The following PITPNM2 variants were observed in gnomAD, a reference collection of about 807,000 sequenced individuals.
The protein encoded by PITPNM2 is membrane-associated phosphatidylinositol transfer protein 2.
In PITPNM2, 35 loss-of-function variants were observed where a neutral mutation model predicts 132.2. The ratio of observed to expected loss-of-function variants is 0.26; its 90% CI spans 0.20 to 0.35. The LOEUF (loss-of-function observed/expected upper bound fraction) is 0.35. Among genes scored for constraint, PITPNM2 ranks in the 10% least tolerant of loss-of-function variants. PITPNM2 has a pLI of 1.00. For synonymous variants in PITPNM2, 738 were observed against 799.2 expected (o/e 0.92, Z 1.29); for missense variants, 1,332 against 1,912.0 (o/e 0.70, Z 5.66).
chr12:123,062,166 G>A (rs1460466632), intron 2 of PITPNM2, among the ~76,000 whole-genome samples: 1 of 152,070 alleles, frequency 6.6e-6, no homozygotes, highest in Non-Finnish European at 1.5e-5. Flanking sequence ...AGGTTCCTGA[G>A]TCCCCAGACT....
chr12:123,094,325 G>C (rs921098030), intron 2 of PITPNM2, among the ~76,000 whole-genome samples: 5 of 152,238 alleles, frequency 3.3e-5, no homozygotes, highest in African/African-American at 9.6e-5. Context: ...GCCAGTCCAA[G>C]GCTCTCAGAG....
chr12:123,004,324 TA>T lies in PITPNM2; in HGVS notation c.1048+69del. 6.9e-7 allele frequency: 1 copy of T among 1,453,308 alleles called. No homozygotes were observed. Among genetic ancestry groups the T allele is most frequent in the Non-Finnish European group, 9.6e-7 (1 of 1,039,050 alleles). 90.0% of individuals were successfully genotyped at this position (1,453,308 alleles called of 1,614,324 possible). ...CCCGCATCAGTCCACACCCACACCC[TA>T]AGCCCTTTCAGACCCCTCCCCACCT... On this transcript the variant is annotated intron_variant, in intron 8 of 25. Coordinates refer to ENST00000320201, the MANE Select transcript of PITPNM2 (RefSeq NM_020845.3). The surrounding 1 kb of genome is among the most constrained non-coding windows in gnomAD (Gnocchi z 4.9).
chr12:123,056,331 GA>G (rs2041025479), intron 2 of PITPNM2, among the ~76,000 whole-genome samples: 1 of 152,216 alleles, frequency 6.6e-6, no homozygotes, highest in Non-Finnish European at 1.5e-5. Context: ...GGCAGTCTGG[GA>G]GCCTACATGG....
chr12:123,069,108 C>T (rs1829956093), intron 2 of PITPNM2, among the ~76,000 whole-genome samples: 1 of 151,904 alleles, frequency 6.6e-6, no homozygotes, highest in South Asian at 2.1e-4. Context: ...TAAAAATTAG[C>T]CAGAAGTGGT....
At chr12:123,121,630 T>C (rs1195690984) in intron 1 of PITPNM2, among the ~76,000 whole-genome samples, 1 of 152,084 alleles carries the variant, frequency 6.6e-6, no homozygotes, top group Non-Finnish European at 1.5e-5. Flanking sequence ...CATTGCAACC[T>C]TGAATTCCTG....
intron 2 of PITPNM2, among the ~76,000 whole-genome samples, chr12:123,104,330 C>T (rs2042638925): frequency 6.6e-6 from 1 of 152,238 alleles, no homozygotes; most frequent in African/African-American, 2.4e-5. Flanking sequence ...GCCAAGCCAT[C>T]GCATCCCCTG....
intron 1 of PITPNM2, among the ~76,000 whole-genome samples, chr12:123,113,106 G>T (rs1453088083): frequency 6.6e-6 from 1 of 152,174 alleles, no homozygotes; most frequent in African/African-American, 2.4e-5. Context: ...GTTTGATGGG[G>T]TGCCAGCTAC....
chr12:123,087,155 T>C (rs2042134336), intron 2 of PITPNM2: 1 of 152,376 alleles, frequency 6.6e-6, no homozygotes, highest in South Asian at 2.1e-4. Flanking sequence ...TGCACACTTA[T>C]GGGAGACTCT....
chr12:123,095,948 G>A lies in PITPNM2; in HGVS notation c.-96+14437C>T, dbSNP rs1395891012. ...TGGCACTATCGTAAGGATCATCACC[G>A]CCCATGACTGATGCCTGTGATGGCC... On this transcript the variant is annotated intron_variant, in intron 2 of 25. Coordinates refer to ENST00000320201, the MANE Select transcript of PITPNM2 (RefSeq NM_020845.3). The surrounding 1 kb of genome is among the most constrained non-coding windows in gnomAD (Gnocchi z 5.0). Among the ~76,000 whole-genome samples, 4 of 152,216 alleles carry A rather than the reference G, an allele frequency of 2.6e-5. No homozygotes were observed. The highest frequency in any genetic ancestry group is 3.8e-4 in the East Asian group (2 of 5,196).
chr12:123,008,846 C>T lies in PITPNM2; in HGVS notation c.643+1004G>A, dbSNP rs954134873. Among the ~76,000 whole-genome samples the T allele has an allele frequency of 1.3e-5, 2 of 152,184 alleles. No homozygotes were observed. The highest frequency in any genetic ancestry group is 4.8e-5 in the African/African-American group (2 of 41,434). On this transcript the variant is annotated intron_variant, in intron 6 of 25. Transcript: ENST00000320201. The surrounding 1 kb of genome is among the most constrained non-coding windows in gnomAD (Gnocchi z 4.1). ...CAAGTGGAAGACCGCGTCCTTGGAC[C>T]CCAATCCTTTCGGGTACACATCCAC...
At position 123,008,655 on chromosome 12, in the gene PITPNM2, G is replaced by T. The variant is rs1446188060; in HGVS notation, c.643+1195C>A. Among the ~76,000 whole-genome samples the T allele has an allele frequency of 1.3e-5, 2 of 152,200 alleles. No homozygotes were observed. Among genetic ancestry groups the T allele is most frequent in the Non-Finnish European group, 2.9e-5 (2 of 68,036 alleles). On this transcript the variant is annotated intron_variant, in intron 6 of 25. Coordinates refer to ENST00000320201, the MANE Select transcript of PITPNM2 (RefSeq NM_020845.3). The surrounding 1 kb of genome is among the most constrained non-coding windows in gnomAD (Gnocchi z 4.1). The stretch of plus-strand genomic sequence containing the variant: ...TGGGAATGCATCCCTCTCAATGGAT[G>T]GGACAGCTTCCTTCTCTTCCTGCCA...
chr12:123,072,922 C>T (rs921349571), intron 2 of PITPNM2, among the ~76,000 whole-genome samples: 2 of 152,218 alleles, frequency 1.3e-5, no homozygotes, highest in African/African-American at 4.8e-5. Flanking sequence ...GAATCCGGAG[C>T]CCCAACAGGG....
chr12:123,047,485 T>G (rs745784252), intron 2 of PITPNM2, among the ~76,000 whole-genome samples: 58 of 152,312 alleles, frequency 3.8e-4, no homozygotes, highest in Non-Finnish European at 7.5e-4. Context: ...GTCCCCTAGG[T>G]GGCTTAGATC....
At chr12:123,041,156 G>C (rs2040458281) in intron 2 of PITPNM2, among the ~76,000 whole-genome samples, 1 of 152,166 alleles carries the variant, frequency 6.6e-6, no homozygotes, top group Non-Finnish European at 1.5e-5. Context: ...TTGTCTTCTG[G>C]GGGTAAGAAC....
At chr12:123,132,918 T>C (rs930722262) in intron 1 of PITPNM2, among the ~76,000 whole-genome samples, 2 of 152,220 alleles carry the variant, frequency 1.3e-5, no homozygotes, top group Non-Finnish European at 2.9e-5. Context: ...GTATGGCATA[T>C]GAACAGACCA....
At chr12:123,013,355 T>C (rs1014289076) in intron 4 of PITPNM2, among the ~76,000 whole-genome samples, 2 of 152,224 alleles carry the variant, frequency 1.3e-5, no homozygotes, top group Non-Finnish European at 2.9e-5. Flanking sequence ...TGAAGAACCC[T>C]CTGCCAGGGA....
chr12:123,148,530 CTT>C (rs1199539415), intron 1 of PITPNM2, among the ~76,000 whole-genome samples: 10 of 152,144 alleles, frequency 6.6e-5, no homozygotes, highest in Admixed American at 6.5e-4. Flanking sequence ...GTTGGAAAGA[CTT>C]TAACTAGATG....
chr12:123,033,590 G>C (rs2040166950), intron 3 of PITPNM2, among the ~76,000 whole-genome samples: 1 of 152,348 alleles, frequency 6.6e-6, no homozygotes, highest in Non-Finnish European at 1.5e-5. Flanking sequence ...AGCAGTCAGG[G>C]TGGTGAGGAA....
rs748977415 is a variant in PITPNM2 at position 122,990,670 on chromosome 12, T to G, written c.2444A>C (p.His815Pro). The G allele has an allele frequency of 1.2e-6, 2 of 1,611,744 alleles. No homozygotes were observed. The highest frequency in any genetic ancestry group is 8.5e-7 in the Non-Finnish European group (1 of 1,179,802). ...AGTGCCCGGCGAGGAGGGGGCGCCA[T>G]GCTCTTGGAAGGCTGCATTGTGGGT... ...LQTHNAAFQE[H>P]GAPSSPGTAP... The change falls in exon 17 of 26, where the codon CAT (histidine) becomes CCT (proline). Residue 815 changes from histidine (H) to proline (P), a missense_variant. Transcript: ENST00000320201.
Sources: allele counts gnomAD v4.1 joint callset (sites outside exome capture counted in the v4.1 genomes callset), GRCh38; gene constraint gnomAD v4.1.1; non-coding constraint Gnocchi (gnomAD v3.1); transcripts MANE v1.5; gene names NCBI Gene and HGNC (gene_info 2026-07-23, HGNC 2026-07-21).